Variants in PAAF1 observed in about 807,000 individuals in gnomAD.
The protein encoded by PAAF1 is proteasomal ATPase associated factor 1.
Under a neutral mutation model 52.8 loss-of-function variants are expected in PAAF1, and 46 were observed. The observed-to-expected ratio is 0.87, with a 90% CI of 0.69 to 1.11. The LOEUF is 1.11. Ranked by LOEUF, PAAF1 falls within the 50% of genes most tolerant of loss-of-function variation. The pLI is 0.00. For missense variants in PAAF1, 424 were observed against 477.4 expected (o/e 0.89, Z 1.04); for synonymous variants, 178 against 172.8 (o/e 1.03, Z -0.24).
intron 8 of PAAF1, among the ~76,000 whole-genome samples, chr11:73,914,742 A>G (rs1483829630): frequency 7.3e-6 from 1 of 137,100 alleles, no homozygotes; most frequent in Non-Finnish European, 1.5e-5. Flanking sequence ...TCTGTCGCCC[A>G]GGTTGGATGG....
chr11:73,903,881 C>A (rs1949690388), intron 6 of PAAF1, among the ~76,000 whole-genome samples: 1 of 151,732 alleles, frequency 6.6e-6, no homozygotes, highest in Non-Finnish European at 1.5e-5. Flanking sequence ...GTCAGGAGTT[C>A]AAAACCAGCC....
chr11:73,900,001 CTT>C (rs201364777), intron 5 of PAAF1, among the ~76,000 whole-genome samples: 39,734 of 144,616 alleles, frequency 0.27, 5,632 homozygotes, highest in South Asian at 0.41. Flanking sequence ...CCATGGAATT[CTT>C]TTTTTTTTTT....
chr11:73,899,609 G>A (rs1313783537), intron 5 of PAAF1, among the ~76,000 whole-genome samples: 2 of 151,870 alleles, frequency 1.3e-5, no homozygotes, highest in Non-Finnish European at 2.9e-5. Flanking sequence ...ATGGGCTTTC[G>A]CCATGTCGGC....
chr11:73,899,885 C>A (rs1373917993), intron 5 of PAAF1, among the ~76,000 whole-genome samples: 1 of 152,160 alleles, frequency 6.6e-6, no homozygotes, highest in Non-Finnish European at 1.5e-5. Flanking sequence ...TAGACTGAAT[C>A]TATGGCTGAG....
rs1201621557 is a variant in PAAF1 at position 73,909,527 on chromosome 11, A to AT, written c.662dup (p.Asn222GlnfsTer9). 4 of 1,614,168 alleles carry AT rather than the reference A, an allele frequency of 2.5e-6. No homozygotes were observed. Among genetic ancestry groups the AT allele is most frequent in the Non-Finnish European group, 3.4e-6 (4 of 1,180,036 alleles). ...AGTCCTTGCAGATTGTGGTTCTTCT[A>AT]TCAATGGAGTGGCGGTGGGTGCTGC... On this transcript the variant is annotated frameshift_variant, in exon 7 of 12. Coordinates refer to ENST00000310571, the MANE Select transcript of PAAF1 (RefSeq NM_025155.3). LOFTEE classifies it high-confidence loss of function.
At chr11:73,915,322 C>T (rs969209659) in intron 8 of PAAF1, among the ~76,000 whole-genome samples, 1 of 152,168 alleles carries the variant, frequency 6.6e-6, no homozygotes, top group Non-Finnish European at 1.5e-5. Flanking sequence ...AGAACTCACG[C>T]CCACTGGGCA....
intron 2 of PAAF1, among the ~76,000 whole-genome samples, chr11:73,882,932 C>A (rs546010542): frequency 6.6e-6 from 1 of 151,462 alleles, no homozygotes; most frequent in Non-Finnish European, 1.5e-5. Context: ...CAGGGTCTTG[C>A]CCTGTTGCCC....
chr11:73,884,127 A>G (rs904584392), intron 2 of PAAF1, among the ~76,000 whole-genome samples: 1 of 152,106 alleles, frequency 6.6e-6, no homozygotes, highest in Non-Finnish European at 1.5e-5. Context: ...GGAATGTAGA[A>G]GGTAAGTGGT....
chr11:73,890,776 G>C (rs145962598), intron 3 of PAAF1, among the ~76,000 whole-genome samples: 1 of 152,268 alleles, frequency 6.6e-6, no homozygotes, highest in South Asian at 2.1e-4. Flanking sequence ...ACTGCTAATT[G>C]AGAGTATTGG....
At chr11:73,888,778 C>A in intron 3 of PAAF1, 1 of 299,882 alleles carries the variant, frequency 3.3e-6, no homozygotes, top group East Asian at 5.5e-5. Context: ...TTAGTTAACT[C>A]TGACACTTAT....
intron 7 of PAAF1, among the ~76,000 whole-genome samples, chr11:73,914,162 G>C (rs1482855960): frequency 6.6e-6 from 1 of 152,086 alleles, no homozygotes; most frequent in Non-Finnish European, 1.5e-5. Flanking sequence ...TTGGCTACTG[G>C]ATACCATTAA....
intron 1 of PAAF1, 91 bp from the exon 2 acceptor site, chr11:73,878,687 TG>T: frequency 1.8e-6 from 2 of 1,120,220 alleles, no homozygotes; most frequent in South Asian, 2.6e-5. Flanking sequence ...ATGACCAAGC[TG>T]GAGGTTACAT....
At chr11:73,897,418 ACTTCTCAGACGGGGCG>A (rs1949435741) in intron 4 of PAAF1, among the ~76,000 whole-genome samples, 2 of 147,324 alleles carry the variant, frequency 1.4e-5, no homozygotes, top group African/African-American at 5.1e-5. Context: ...GGGGCTCCTC[ACTTCTCAGACGGGGCG>A]GTTGCCAGGC....
chr11:73,887,068 G>A, intron 2 of PAAF1: 1 of 454,860 alleles, frequency 2.2e-6, no homozygotes, highest in Non-Finnish European at 4.3e-6. Context: ...AGCAGATGCT[G>A]GTGCCATGCT....
intron 6 of PAAF1, among the ~76,000 whole-genome samples, chr11:73,902,294 G>A (rs571605960): frequency 6.6e-6 from 1 of 152,270 alleles, no homozygotes. Flanking sequence ...ACATTGAGAG[G>A]GAATAGAAAC....
At chr11:73,896,698 C>A (rs1343946499) in intron 4 of PAAF1, among the ~76,000 whole-genome samples, 4 of 152,180 alleles carry the variant, frequency 2.6e-5, no homozygotes, top group African/African-American at 9.7e-5. Flanking sequence ...ATGTCTACCT[C>A]TTTCTACACA....
Position 73,877,074 on chromosome 11 carries a change from T to A in PAAF1, c.47+6T>A, listed in dbSNP as rs556219943. 6.5e-7 allele frequency: 1 copy of A among 1,535,136 alleles called. No homozygotes were observed. The highest frequency in any genetic ancestry group is 8.8e-7 in the Non-Finnish European group (1 of 1,138,422). On this transcript the variant is annotated splice_donor_region_variant and intron_variant, in intron 1 of 11. Transcript: ENST00000310571. ...GACTGGGCGCAAGCCCTCAGGTGAA[T>A]CCAGGCCCAGAACAGAGTCAGAGGA...
At chr11:73,897,105 G>A in intron 4 of PAAF1, among the ~76,000 whole-genome samples, 1 of 145,170 alleles carries the variant, frequency 6.9e-6, no homozygotes, top group East Asian at 2.1e-4. Flanking sequence ...CGGGCAGAGT[G>A]GCTCCTCACT....
chr11:73,895,832 C>T (rs559798984), intron 4 of PAAF1, among the ~76,000 whole-genome samples: 19 of 152,232 alleles, frequency 1.2e-4, no homozygotes, highest in Non-Finnish European at 2.4e-4. Flanking sequence ...TGAGGCTGGG[C>T]GCGGTGGCTC....
Sources: allele counts gnomAD v4.1 joint callset (sites outside exome capture counted in the v4.1 genomes callset), GRCh38; gene constraint gnomAD v4.1.1; transcripts MANE v1.5; gene names NCBI Gene and HGNC (gene_info 2026-07-23, HGNC 2026-07-21).